ARHGAP24: variants seen among roughly 807,000 people sequenced by gnomAD.
ARHGAP24 encodes Rho GTPase activating protein 24.
ARHGAP24 carries 50 observed loss-of-function variants against 76.4 expected under a neutral mutation model. The observed-to-expected ratio is 0.65, with a 90% CI of 0.52 to 0.83. The LOEUF is 0.83. ARHGAP24 is among the 40% of genes least tolerant of loss of function. The probability of loss-of-function intolerance (pLI) is 0.00; values close to 1 mark genes in which losing one functional copy is unlikely to be tolerated. For synonymous variants in ARHGAP24, 345 were observed against 323.3 expected (o/e 1.07, Z -0.72); for missense variants, 930 against 914.2 (o/e 1.02, Z -0.22).
intron 1 of ARHGAP24, among the ~76,000 whole-genome samples, chr4:85,540,183 A>G (rs1725621519): frequency 6.6e-6 from 1 of 152,134 alleles, no homozygotes; most frequent in African/African-American, 2.4e-5. Context: ...TAGTGTTTAG[A>G]GGATTTATTT....
intron 3 of ARHGAP24, among the ~76,000 whole-genome samples, chr4:85,787,599 T>G (rs1406379799): frequency 6.6e-6 from 1 of 152,206 alleles, no homozygotes; most frequent in Non-Finnish European, 1.5e-5. Context: ...GACTCAGGGT[T>G]CAAATTTTAA....
At chr4:85,842,911 A>G (rs1730687458) in intron 3 of ARHGAP24, among the ~76,000 whole-genome samples, 1 of 152,144 alleles carries the variant, frequency 6.6e-6, no homozygotes, top group Admixed American at 6.5e-5. Flanking sequence ...AACACATGGG[A>G]GACTGAGACT....
At chr4:85,884,823 A>G (rs1560695166) in intron 3 of ARHGAP24, among the ~76,000 whole-genome samples, 1 of 152,182 alleles carries the variant, frequency 6.6e-6, no homozygotes, top group Non-Finnish European at 1.5e-5. Flanking sequence ...AAATTGTTGC[A>G]TCAACTAAAA....
chr4:85,664,321 G>T (rs1314081575), intron 2 of ARHGAP24, among the ~76,000 whole-genome samples: 1 of 151,012 alleles, frequency 6.6e-6, no homozygotes, highest in African/African-American at 2.5e-5. Context: ...AGTATTCTCT[G>T]ATGATAGTTT....
chr4:85,917,079 C>T (rs13435741), intron 3 of ARHGAP24, among the ~76,000 whole-genome samples: 26,814 of 151,766 alleles, frequency 0.18, 2,525 homozygotes, highest in South Asian at 0.34. Flanking sequence ...CACCCCACAA[C>T]AGTCCCCAAA....
rs568057725 is a variant in ARHGAP24, at chr4:85,640,834, C to A, written c.180+70113C>A. Among the ~76,000 whole-genome samples the A allele has an allele frequency of 4.6e-5, 7 of 151,974 alleles. No homozygotes were observed. The East Asian group carries it at 1.4e-3, about 29-fold the overall frequency. The stretch of plus-strand genomic sequence containing the variant: ...TTGATTATTTGGCACAAACAAAGGC[C>A]ATAGAGTAACTTATGTTAATTGAAG... On this transcript the variant is annotated intron_variant, in intron 2 of 9. Coordinates refer to ENST00000395184, the MANE Select transcript of ARHGAP24 (RefSeq NM_001025616.3).
intron 1 of ARHGAP24, among the ~76,000 whole-genome samples, chr4:85,502,521 G>C (rs1487605263): frequency 6.6e-6 from 1 of 152,112 alleles, no homozygotes; most frequent in Non-Finnish European, 1.5e-5. Flanking sequence ...TTGGCTCTCT[G>C]TCTGTTATTG....
chr4:85,987,994 T>C (rs1049504986), intron 8 of ARHGAP24, among the ~76,000 whole-genome samples: 1 of 151,920 alleles, frequency 6.6e-6, no homozygotes, highest in Non-Finnish European at 1.5e-5. Context: ...TTAGAAATTA[T>C]ATAACCAAAA....
chr4:85,817,700 C>G (rs1359144133), intron 3 of ARHGAP24, among the ~76,000 whole-genome samples: 1 of 152,176 alleles, frequency 6.6e-6, no homozygotes, highest in Non-Finnish European at 1.5e-5. Context: ...GTAATCCTTT[C>G]TATGTAGACT....
chr4:85,980,805 T>C (rs1739615718), intron 8 of ARHGAP24, among the ~76,000 whole-genome samples: 1 of 152,188 alleles, frequency 6.6e-6, no homozygotes, highest in Non-Finnish European at 1.5e-5. Flanking sequence ...CATAGTAATA[T>C]GAAGATGCTG....
chr4:85,786,917 C>G (rs1259042939), intron 3 of ARHGAP24, among the ~76,000 whole-genome samples: 1 of 152,236 alleles, frequency 6.6e-6, no homozygotes, highest in Non-Finnish European at 1.5e-5. Flanking sequence ...CATCCCTCCT[C>G]TTTCAAAACT....
intron 1 of ARHGAP24, among the ~76,000 whole-genome samples, chr4:85,484,185 T>C (rs905003442): frequency 2.0e-5 from 3 of 152,200 alleles, no homozygotes; most frequent in African/African-American, 7.2e-5. Context: ...AAAAGGATGC[T>C]GACTAGCTAG....
At chr4:85,918,497 C>A (rs943367067) in intron 3 of ARHGAP24, among the ~76,000 whole-genome samples, 2 of 151,806 alleles carry the variant, frequency 1.3e-5, no homozygotes, top group Admixed American at 1.3e-4. Flanking sequence ...CTAAAAGTGT[C>A]AATGTTTTCA....
intron 1 of ARHGAP24, among the ~76,000 whole-genome samples, chr4:85,535,970 G>A (rs1213398266): frequency 1.3e-5 from 2 of 152,054 alleles, no homozygotes; most frequent in African/African-American, 2.4e-5. Context: ...CCTGTGTCTC[G>A]TGACGTTTAT....
chr4:85,618,273 T>C (rs1200805579), intron 2 of ARHGAP24, among the ~76,000 whole-genome samples: 1 of 152,164 alleles, frequency 6.6e-6, no homozygotes, highest in Non-Finnish European at 1.5e-5. Context: ...AGTATCTCAC[T>C]TAGGGTCAGG....
At chr4:85,547,253 T>C (rs192463459) in intron 1 of ARHGAP24, among the ~76,000 whole-genome samples, 13 of 152,338 alleles carry the variant, frequency 8.5e-5, no homozygotes, top group Non-Finnish European at 1.6e-4. Flanking sequence ...TTTGTCTTTC[T>C]TGACCTTGAG....
intron 2 of ARHGAP24, among the ~76,000 whole-genome samples, chr4:85,653,934 A>G (rs1722038704): frequency 6.6e-6 from 1 of 152,070 alleles, no homozygotes; most frequent in African/African-American, 2.4e-5. Context: ...TGCTCTAAAT[A>G]TACCATGTAC....
chr4:85,894,516 G>A (rs1658542679), intron 3 of ARHGAP24, among the ~76,000 whole-genome samples: 1 of 152,198 alleles, frequency 6.6e-6, no homozygotes, highest in Admixed American at 6.5e-5. Flanking sequence ...GATCAGACAA[G>A]ATTGATAGTG....
intron 2 of ARHGAP24, among the ~76,000 whole-genome samples, chr4:85,619,646 A>T (rs565121972): frequency 6.6e-6 from 1 of 152,020 alleles, no homozygotes; most frequent in South Asian, 2.1e-4. Flanking sequence ...TCAGTGTTTT[A>T]CAGTTTTCAG....
Sources: gnomAD v4.1 joint callset for allele counts (sites outside exome capture counted in the v4.1 genomes callset) on GRCh38, gnomAD v4.1.1 for gene constraint, MANE v1.5 for transcripts, NCBI Gene and HGNC (gene_info 2026-07-23, HGNC 2026-07-21) for gene names.